Variants in AMPD3 observed in about 807,000 individuals in gnomAD.
AMPD3 encodes the protein AMP deaminase 3.
Under a neutral mutation model 82.3 loss-of-function variants are expected in AMPD3, and 57 were observed. That is an observed-to-expected ratio of 0.69 (90% confidence interval 0.56 to 0.86). The LOEUF (loss-of-function observed/expected upper bound fraction) is 0.86. AMPD3 is among the 40% of genes least tolerant of loss of function. The pLI is 0.00. For synonymous variants in AMPD3, 381 were observed against 394.7 expected (o/e 0.97, Z 0.41); for missense variants, 870 against 1,003.8 (o/e 0.87, Z 1.80).
At position 10,488,128 on chromosome 11, in the gene AMPD3, AG is replaced by A. The variant is rs137886106; in HGVS notation, c.939+768del. The A allele has an allele frequency of 9.3e-4, 741 of 796,396 alleles. 5 individuals are homozygous for A. In the African/African-American group the frequency reaches 0.013, roughly 14 times the overall value. 49.3% of individuals were successfully genotyped at this position (796,396 alleles called of 1,614,324 possible). A position where few individuals can be genotyped will look rare whatever the true frequency, so the allele number is the denominator to read the frequency against. ...GATCTCTGCCTCTCTTCTCCCACCA[AG>A]GGGATGGCAGCCTTGTCCGGGGCTC... On this transcript the variant is annotated intron_variant, in intron 6 of 14. Transcript: ENST00000396553.
intron 9 of AMPD3, chr11:10,496,514 A>G: frequency 1.0e-6 from 1 of 985,410 alleles, no homozygotes; most frequent in Non-Finnish European, 1.2e-6. Context: ...GAATTTGAGG[A>G]TTCATATCTC....
intron 2 of AMPD3, among the ~76,000 whole-genome samples, chr11:10,467,543 G>A (rs145984038): frequency 2.4e-3 from 364 of 152,300 alleles, no homozygotes; most frequent in African/African-American, 8.5e-3. Flanking sequence ...TACGTTTGAT[G>A]GATGTACCTG....
intron 6 of AMPD3, chr11:10,490,463 A>G (rs532082414): frequency 5.2e-5 from 51 of 985,024 alleles, no homozygotes; most frequent in African/African-American, 4.9e-4. Context: ...GAAATGGTCA[A>G]TGTTGGCTTA....
chr11:10,503,143 A>G (rs1173627276), intron 13 of AMPD3, among the ~76,000 whole-genome samples: 1 of 152,184 alleles, frequency 6.6e-6, no homozygotes, highest in Non-Finnish European at 1.5e-5. Context: ...TTTCTTTGAC[A>G]TTTATGAGCT....
Position 10,485,035 on chromosome 11 carries a change from C to A in AMPD3, c.805C>A (p.Pro269Thr). ...CATCCTGGCTCTCATCACCGATGGC[C>A]CCACGTAAGCTAGCTTCTCCGCGGC... ...SHILALITDG[P>T]TKTYCHRRLN... Residue 269 changes from proline to threonine, a missense_variant, in exon 5 of 15, where the codon CCC (proline) becomes ACC (threonine). Physicochemically the swap from Pro to Thr is conservative, Grantham distance 38. Coordinates refer to ENST00000396553, the MANE Select transcript of AMPD3 (RefSeq NM_001025389.2). The A allele has an allele frequency of 6.2e-7, 1 of 1,612,916 alleles. No homozygotes were observed. The highest frequency in any genetic ancestry group is 8.5e-7 in the Non-Finnish European group (1 of 1,179,732).
chr11:10,504,738 G>A (rs780776842), intron 14 of AMPD3, 79 bp downstream of exon 14: 13 of 1,329,276 alleles, frequency 9.8e-6, no homozygotes, highest in Non-Finnish European at 1.4e-5. Context: ...CAGGCACTGG[G>A]GATCTGTGAT....
intron 10 of AMPD3, chr11:10,497,772 G>T: frequency 1.0e-6 from 1 of 985,362 alleles, no homozygotes; most frequent in Non-Finnish European, 1.2e-6. Flanking sequence ...AGACAGGAGG[G>T]GAGCTTGACC....
At chr11:10,489,134 C>T (rs1484981499) in intron 6 of AMPD3, among the ~76,000 whole-genome samples, 3 of 152,208 alleles carry the variant, frequency 2.0e-5, no homozygotes, top group South Asian at 4.1e-4. Flanking sequence ...GCATTTTCAC[C>T]TTCAAGCACC....
intron 10 of AMPD3, among the ~76,000 whole-genome samples, chr11:10,497,247 GA>G (rs1254475995): frequency 6.6e-6 from 1 of 152,092 alleles, no homozygotes; most frequent in East Asian, 1.9e-4. Flanking sequence ...GGTGGGGCTG[GA>G]AAGGCTGGAT....
intron 5 of AMPD3, 149 bp downstream of exon 5, chr11:10,485,188 C>A (rs1009398698): frequency 1.4e-6 from 1 of 735,510 alleles, no homozygotes; most frequent in Non-Finnish European, 2.3e-6. Flanking sequence ...CAGTGCTTTG[C>A]GGGTTTCTGC....
At chr11:10,466,353 G>A (rs1317036483) in intron 2 of AMPD3, among the ~76,000 whole-genome samples, 1 of 152,114 alleles carries the variant, frequency 6.6e-6, no homozygotes, top group South Asian at 2.1e-4. Context: ...AGCTTCGTAG[G>A]GGGAGGGTCG....
intron 6 of AMPD3, among the ~76,000 whole-genome samples, chr11:10,489,855 AT>A (rs1849191311): frequency 6.6e-6 from 1 of 151,790 alleles, no homozygotes; most frequent in African/African-American, 2.4e-5. Context: ...TAATTTTTGT[AT>A]TTTTAGTAGA....
chr11:10,453,883 G>A (rs554148357), upstream of AMPD3, among the ~76,000 whole-genome samples: 9 of 152,234 alleles, frequency 5.9e-5, no homozygotes, highest in East Asian at 9.7e-4. Context: ...CACCATGCCC[G>A]GCCGATATCT....
chr11:10,473,995 A>C (rs1848667630), intron 2 of AMPD3, among the ~76,000 whole-genome samples: 1 of 152,126 alleles, frequency 6.6e-6, no homozygotes, highest in Non-Finnish European at 1.5e-5. Context: ...GAGGAGTTCA[A>C]ACCAGCCTCC....
intron 10 of AMPD3, chr11:10,497,602 A>T (rs72857499): frequency 1.0e-6 from 1 of 984,794 alleles, no homozygotes; most frequent in Non-Finnish European, 1.2e-6. Flanking sequence ...GGGCACGGGG[A>T]AAGAATTGAG....
At position 10,504,727 on chromosome 11, in the gene AMPD3, C is replaced by G. The variant is rs937636360; in HGVS notation, c.2127+68C>G. The G allele has an allele frequency of 2.8e-6, 4 of 1,411,402 alleles. No individual in the cohort carries two copies. The African/African-American group carries it at 5.7e-5, about 20-fold the overall frequency. 87.4% of individuals were successfully genotyped at this position (1,411,402 alleles called of 1,614,324 possible). A position where few individuals can be genotyped will look rare whatever the true frequency, so the allele number is the denominator to read the frequency against. On this transcript the variant is annotated intron_variant, in intron 14 of 14. Transcript: ENST00000396553. The stretch of plus-strand genomic sequence containing the variant: ...CTGCCTGCTGTGTGCCAGGAGCCTT[C>G]CAGGCACTGGGGATCTGTGATGAAC...
At chr11:10,504,456 C>A in intron 13 of AMPD3, 93 bp from the exon 14 acceptor site, 1 of 1,293,608 alleles carries the variant, frequency 7.7e-7, no homozygotes, top group Non-Finnish European at 1.1e-6. Flanking sequence ...AAAGTTAAAC[C>A]CGCAGTGTCT....
intron 10 of AMPD3, chr11:10,497,570 A>G: frequency 1.0e-6 from 1 of 985,432 alleles, no homozygotes; most frequent in Non-Finnish European, 1.2e-6. Flanking sequence ...AGGGAGAGGC[A>G]CAGCGGGGAG....
intron 3 of AMPD3, among the ~76,000 whole-genome samples, chr11:10,481,132 A>G (rs960936953): frequency 6.6e-6 from 1 of 152,120 alleles, no homozygotes; most frequent in Admixed American, 6.5e-5. Flanking sequence ...CCATTTGCAA[A>G]ATGGGTTGCT....
Sources: gnomAD v4.1 joint callset for allele counts (sites outside exome capture counted in the v4.1 genomes callset) on GRCh38, gnomAD v4.1.1 for gene constraint, MANE v1.5 for transcripts, NCBI Gene and HGNC (gene_info 2026-07-23, HGNC 2026-07-21) for gene names.